Variants in EPM2A observed in about 807,000 individuals in gnomAD.
The protein encoded by EPM2A is laforin.
Under a neutral mutation model 26.5 loss-of-function variants are expected in EPM2A, and 21 were observed. The ratio of observed to expected loss-of-function variants is 0.79; its 90% CI spans 0.56 to 1.14. The LOEUF is 1.14. Among genes scored for constraint, EPM2A ranks in the 50% most tolerant of loss-of-function variants. EPM2A has a pLI of 0.00. For synonymous variants in EPM2A, 217 were observed against 177.6 expected, an observed-to-expected ratio of 1.22 and a Z score of -1.76; for missense variants, 458 against 440.8, an observed-to-expected ratio of 1.04 and a Z score of -0.35.
At chr6:145,610,906 C>CT (rs1775378956) in intron 2 of EPM2A, among the ~76,000 whole-genome samples, 1 of 152,190 alleles carries the variant, frequency 6.6e-6, no homozygotes, top group African/African-American at 2.4e-5. Flanking sequence ...CTGGAAGCAA[C>CT]AGAAAATGGC....
At chr6:145,595,455 T>C (rs1004827126) in intron 2 of EPM2A, among the ~76,000 whole-genome samples, 1 of 149,554 alleles carries the variant, frequency 6.7e-6, no homozygotes, top group Non-Finnish European at 1.5e-5. Flanking sequence ...TTTATCCTTT[T>C]AATTTAATCA....
intron 2 of EPM2A, among the ~76,000 whole-genome samples, chr6:145,530,085 C>G (rs907291018): frequency 2.0e-5 from 3 of 152,170 alleles, no homozygotes; most frequent in African/African-American, 7.2e-5. Flanking sequence ...GCCAAAGGTT[C>G]TCAACTTCCA....
At chr6:145,582,505 T>C (rs1781129592) in intron 2 of EPM2A, among the ~76,000 whole-genome samples, 2 of 152,344 alleles carry the variant, frequency 1.3e-5, no homozygotes, top group Non-Finnish European at 2.9e-5. Flanking sequence ...ACTTGTAGGA[T>C]TTCTGCTAAA....
intron 2 of EPM2A, among the ~76,000 whole-genome samples, chr6:145,511,093 A>G (rs1780049158): frequency 6.7e-6 from 1 of 148,472 alleles, no homozygotes; most frequent in Non-Finnish European, 1.5e-5. Flanking sequence ...AAATTGAATC[A>G]GTAATAAAAC....
intron 2 of EPM2A, among the ~76,000 whole-genome samples, chr6:145,591,875 A>T (rs185350186): frequency 2.8e-4 from 43 of 152,106 alleles, no homozygotes; most frequent in African/African-American, 9.6e-4. Context: ...AAGCAAATGA[A>T]AAAGGTAAAA....
At chr6:145,549,309 G>C (rs1780623731) in intron 2 of EPM2A, among the ~76,000 whole-genome samples, 1 of 152,052 alleles carries the variant, frequency 6.6e-6, no homozygotes, top group Non-Finnish European at 1.5e-5. Context: ...AAATTTATAA[G>C]CCTACTTATC....
At chr6:145,584,080 T>C (rs1443759183) in intron 2 of EPM2A, among the ~76,000 whole-genome samples, 2 of 152,206 alleles carry the variant, frequency 1.3e-5, no homozygotes, top group African/African-American at 2.4e-5. Context: ...TGCACACATG[T>C]CCTATCAGTG....
At chr6:145,708,072 C>T (rs540229515) in intron 1 of EPM2A, among the ~76,000 whole-genome samples, 268 of 152,226 alleles carry the variant, frequency 1.8e-3, no homozygotes, top group African/African-American at 6.0e-3. Context: ...CAAAGAGACT[C>T]GCACCATTTG....
intron 2 of EPM2A, among the ~76,000 whole-genome samples, chr6:145,581,864 G>A (rs921486418): frequency 3.9e-5 from 6 of 152,112 alleles, no homozygotes; most frequent in Non-Finnish European, 7.4e-5. Context: ...ATAGATAACC[G>A]TAGGTTGTAG....
chr6:145,584,265 T>G (rs1781156436), intron 2 of EPM2A, among the ~76,000 whole-genome samples: 1 of 152,064 alleles, frequency 6.6e-6, no homozygotes. Context: ...TGGTTAGGTG[T>G]GGTCTGCCAG....
chr6:145,429,863 T>C (rs552832592), intron 4 of EPM2A, among the ~76,000 whole-genome samples: 1 of 152,348 alleles, frequency 6.6e-6, no homozygotes, highest in East Asian at 1.9e-4. Context: ...TAAAAAGTTA[T>C]CTTTGTGACT....
At chr6:145,463,190 T>C (rs1779347578) in intron 4 of EPM2A, 1 of 137,018 alleles carries the variant, frequency 7.3e-6, no homozygotes, top group South Asian at 2.3e-4. Flanking sequence ...TTTGCTTTTG[T>C]TTTATCTTCT....
intron 4 of EPM2A, among the ~76,000 whole-genome samples, chr6:145,390,321 T>A (rs1166236588): frequency 6.7e-6 from 1 of 148,676 alleles, no homozygotes; most frequent in Non-Finnish European, 1.5e-5. Flanking sequence ...CATCTTAAAT[T>A]TAAATTAAAA....
At chr6:145,709,198 G>A (rs927086821) in intron 1 of EPM2A, among the ~76,000 whole-genome samples, 3 of 152,136 alleles carry the variant, frequency 2.0e-5, no homozygotes, top group African/African-American at 7.2e-5. Context: ...ATTAAAATGA[G>A]TTAAGACTTT....
intron 4 of EPM2A, among the ~76,000 whole-genome samples, chr6:145,466,090 T>C (rs1462175317): frequency 1.3e-5 from 2 of 152,000 alleles, no homozygotes; most frequent in Non-Finnish European, 2.9e-5. Flanking sequence ...AAGGACTTCA[T>C]GTCTAAAACA....
At chr6:145,720,038 C>T (rs1775868674) in intron 1 of EPM2A, among the ~76,000 whole-genome samples, 1 of 152,112 alleles carries the variant, frequency 6.6e-6, no homozygotes, top group South Asian at 2.1e-4. Context: ...TCATATCTCT[C>T]AACATTTCTC....
intron 2 of EPM2A, chr6:145,671,411 G>A (rs1342223510): frequency 1.0e-6 from 1 of 992,626 alleles, no homozygotes; most frequent in South Asian, 4.5e-5. Flanking sequence ...TGAAAGCAGA[G>A]AAGCTGATAT....
chr6:145,655,038 G>A (rs548764393), intron 2 of EPM2A, among the ~76,000 whole-genome samples: 3 of 152,140 alleles, frequency 2.0e-5, no homozygotes, highest in Non-Finnish European at 2.9e-5. Context: ...TGCACGCATC[G>A]TTTTGTTTGA....
At chr6:145,426,498 C>A (rs1778856111) in intron 4 of EPM2A, among the ~76,000 whole-genome samples, 1 of 152,076 alleles carries the variant, frequency 6.6e-6, no homozygotes. Context: ...ATTTTACTTC[C>A]AGAGATGGGA....
Sources: gnomAD v4.1 joint callset for allele counts (sites outside exome capture counted in the v4.1 genomes callset) on GRCh38, gnomAD v4.1.1 for gene constraint, MANE v1.5 for transcripts, NCBI Gene and HGNC (gene_info 2026-07-23, HGNC 2026-07-21) for gene names.